Variants in TRNAU1AP observed in about 807,000 individuals in gnomAD.
TRNAU1AP encodes tRNA selenocysteine 1-associated protein 1.
TRNAU1AP carries 33 observed loss-of-function variants against 43.3 expected under a neutral mutation model. The ratio of observed to expected loss-of-function variants is 0.76; its 90% CI spans 0.58 to 1.02. The LOEUF (loss-of-function observed/expected upper bound fraction) is 1.02, where lower values mean the gene tolerates loss of function less well. TRNAU1AP is among the 50% of genes least tolerant of loss of function. The probability of loss-of-function intolerance (pLI) is 0.00; values close to 1 mark genes in which losing one functional copy is unlikely to be tolerated. For missense variants in TRNAU1AP, 290 were observed against 362.7 expected, an observed-to-expected ratio of 0.80 and a Z score of 1.63; for synonymous variants, 143 against 129.1, an observed-to-expected ratio of 1.11 and a Z score of -0.73.
intron 5 of TRNAU1AP, among the ~76,000 whole-genome samples, chr1:28,566,453 C>T (rs7415686): frequency 0.34 from 51,010 of 150,754 alleles, 9,823 homozygotes; most frequent in African/African-American, 0.53. Flanking sequence ...CCCAGGTCTC[C>T]ACTTTAAAAA....
At chr1:28,567,156 T>C in intron 5 of TRNAU1AP, 138 bp from the exon 6 acceptor site, 2 of 863,162 alleles carry the variant, frequency 2.3e-6, no homozygotes, top group South Asian at 1.7e-5. Context: ...TCTAGTTTAA[T>C]GGACTCTCTC....
In TRNAU1AP at chr1:28,559,711, G is replaced by A. The variant is rs536581284; in HGVS notation, c.126-922G>A. Among the ~76,000 whole-genome samples, 7 of 152,118 alleles carry A rather than the reference G, an allele frequency of 4.6e-5. 1 individual carries two copies. The highest frequency in any genetic ancestry group is 1.7e-4 in the African/African-American group (7 of 41,420). ...CTGCATTCATTTGTTTACTTGTGGTGTTTTGCATAGTCTATCTCTAAAATT... is the reference window on the plus strand; with the variant it reads ...CTGCATTCATTTGTTTACTTGTGGTATTTTGCATAGTCTATCTCTAAAATT... On this transcript the variant is annotated intron_variant, in intron 2 of 8. Transcript: ENST00000373830.
chr1:28,562,199 T>G (rs1665425799), intron 4 of TRNAU1AP, among the ~76,000 whole-genome samples: 1 of 152,252 alleles, frequency 6.6e-6, no homozygotes, highest in African/African-American at 2.4e-5. Flanking sequence ...TTTATATGCA[T>G]TAACCCTATA....
chr1:28,553,778 A>C (rs1233536359), intron 2 of TRNAU1AP, 41 bp downstream of exon 2: 12 of 1,540,462 alleles, frequency 7.8e-6, no homozygotes, highest in Non-Finnish European at 9.9e-6. Context: ...ATCTCGTTGC[A>C]GCTGTCATGT....
intron 1 of TRNAU1AP, chr1:28,553,396 G>C: frequency 1.6e-6 from 1 of 624,856 alleles, no homozygotes; most frequent in Non-Finnish European, 2.9e-6. Context: ...AGCAATCCAA[G>C]GACTGAGGCG....
chr1:28,577,149 CTTA>C (rs1202874386), intron 8 of TRNAU1AP, among the ~76,000 whole-genome samples: 2 of 152,140 alleles, frequency 1.3e-5, no homozygotes, highest in Non-Finnish European at 2.9e-5. Context: ...CCACTATGCA[CTTA>C]TTGTCAGTTC....
At chr1:28,560,860 C>A (rs1665389886) in intron 3 of TRNAU1AP, 128 bp downstream of exon 3, 1 of 914,272 alleles carries the variant, frequency 1.1e-6, no homozygotes, top group Non-Finnish European at 1.6e-6. Flanking sequence ...GCATTGTTAT[C>A]TTTGTAGGCC....
At chr1:28,555,262 C>T (rs1204567407) in intron 2 of TRNAU1AP, among the ~76,000 whole-genome samples, 1 of 151,704 alleles carries the variant, frequency 6.6e-6, no homozygotes, top group Non-Finnish European at 1.5e-5. Flanking sequence ...TGTGGAGATA[C>T]TACTGTGTTC....
chr1:28,553,574 G>C, intron 1 of TRNAU1AP, 66 bp from the exon 2 acceptor site: 1 of 1,485,030 alleles, frequency 6.7e-7, no homozygotes. Flanking sequence ...AACGGGAGGG[G>C]CTCTGGAACC....
intron 3 of TRNAU1AP, chr1:28,561,136 G>T (rs1054674522): frequency 6.4e-6 from 9 of 1,412,328 alleles, no homozygotes; most frequent in Middle Eastern, 2.6e-4. Flanking sequence ...AGCTGCACCA[G>T]CTGGCACACC....
At chr1:28,575,462 T>G (rs1388470891) in intron 8 of TRNAU1AP, among the ~76,000 whole-genome samples, 1 of 151,038 alleles carries the variant, frequency 6.6e-6, no homozygotes, top group Non-Finnish European at 1.5e-5. Flanking sequence ...AATGTTTTTT[T>G]TTGTTTTTTT....
At chr1:28,567,200 C>G (rs1314422378) in intron 5 of TRNAU1AP, 94 bp from the exon 6 acceptor site, 1 of 1,385,606 alleles carries the variant, frequency 7.2e-7, no homozygotes, top group East Asian at 2.3e-5. Flanking sequence ...TTTCTACATT[C>G]CTGCCCACCT....
At chr1:28,554,319 TA>T in intron 2 of TRNAU1AP, among the ~76,000 whole-genome samples, 1 of 152,010 alleles carries the variant, frequency 6.6e-6, no homozygotes, top group East Asian at 1.9e-4. Flanking sequence ...TCACTTTGAG[TA>T]TAAAAATGGA....
Position 28,555,189 on chromosome 1 carries a change from C to T in TRNAU1AP, c.125+1452C>T, listed in dbSNP as rs533303976. ...AGGTTGTAGTGAGCCGAGATCGCGC[C>T]ATTGCACTCCAGCCTGGGCAATAAG... On this transcript the variant is annotated intron_variant, in intron 2 of 8. Coordinates refer to ENST00000373830, the MANE Select transcript of TRNAU1AP (RefSeq NM_017846.5). Among the ~76,000 whole-genome samples, 10 of 150,280 alleles carry T rather than the reference C, an allele frequency of 6.7e-5. 1 individual carries two copies. The South Asian group carries it at 2.1e-3, about 31-fold the overall frequency.
At chr1:28,561,137 C>T in intron 3 of TRNAU1AP, 2 of 1,412,862 alleles carry the variant, frequency 1.4e-6, no homozygotes, top group South Asian at 3.0e-5. Flanking sequence ...GCTGCACCAG[C>T]TGGCACACCT....
intron 4 of TRNAU1AP, among the ~76,000 whole-genome samples, chr1:28,563,172 G>A (rs1665452971): frequency 6.6e-6 from 1 of 151,884 alleles, no homozygotes; most frequent in African/African-American, 2.4e-5. Flanking sequence ...GGGATTACAG[G>A]CATGAGCCAC....
intron 2 of TRNAU1AP, among the ~76,000 whole-genome samples, chr1:28,557,194 C>T (rs1335308080): frequency 4.0e-5 from 6 of 151,258 alleles, no homozygotes; most frequent in Non-Finnish European, 7.4e-5. Flanking sequence ...CCGAGGCAGG[C>T]GGATCACGAG....
Position 28,553,691 on chromosome 1 carries a change from G to A in TRNAU1AP, c.79G>A (p.Gly27Arg), listed in dbSNP as rs1014914779. The change falls in exon 2 of 9, where the codon GGG becomes AGG. Residue 27 changes from glycine to arginine, a missense_variant. This residue lies in a region of TRNAU1AP where 59 missense variants were observed against 45.5 expected (regional missense o/e 1.30). Transcript: ENST00000373830. ...CATCTCCAGAGCCTTTGCCACCATGGGGGAGACCGTAATGAGCGTCAAAAT... is the reference window on the plus strand; with the variant it reads ...CATCTCCAGAGCCTTTGCCACCATGAGGGAGACCGTAATGAGCGTCAAAAT... ...NFISRAFATM[G>R]ETVMSVKIIR... is the part of the protein sequence containing the mutation. 1.2e-6 allele frequency: 2 copies of A among 1,614,166 alleles called. No homozygotes were observed. Among genetic ancestry groups the A allele is most frequent in the Non-Finnish European group, 1.7e-6 (2 of 1,180,026 alleles).
chr1:28,556,909 T>A (rs985669515), intron 2 of TRNAU1AP, among the ~76,000 whole-genome samples: 1 of 151,996 alleles, frequency 6.6e-6, no homozygotes, highest in Admixed American at 6.6e-5. Context: ...GGTCTCAATC[T>A]TCTGACCTCT....
Sources: gnomAD v4.1 joint callset for allele counts (sites outside exome capture counted in the v4.1 genomes callset) on GRCh38, gnomAD v4.1.1 for gene constraint, gnomAD v4.1.1 regional missense constraint, MANE v1.5 for transcripts, NCBI Gene and HGNC (gene_info 2026-07-23, HGNC 2026-07-21) for gene names.